Variants in RGSL1 observed in about 807,000 individuals in gnomAD.
The protein encoded by RGSL1 is regulator of G protein signaling protein-like.
Under a neutral mutation model 124.7 loss-of-function variants are expected in RGSL1, and 97 were observed. That is an observed-to-expected ratio of 0.78 (90% CI 0.66 to 0.92). The LOEUF (loss-of-function observed/expected upper bound fraction) is 0.92. RGSL1 is among the 40% of genes least tolerant of loss of function. The probability of loss-of-function intolerance (pLI) is 0.00; values close to 1 mark genes in which losing one functional copy is unlikely to be tolerated. For synonymous variants in RGSL1, 424 were observed against 438.1 expected, an observed-to-expected ratio of 0.97 and a Z score of 0.40; for missense variants, 1,233 against 1,288.4, an observed-to-expected ratio of 0.96 and a Z score of 0.66.
At position 182,491,411 on chromosome 1, in the gene RGSL1, C is replaced by T. The variant is rs150145715; in HGVS notation, c.1718-1611C>T. Among the ~76,000 whole-genome samples the T allele has an allele frequency of 1.9e-3, 290 of 152,058 alleles. 1 individual carries two copies. The highest frequency in any genetic ancestry group is 6.4e-3 in the African/African-American group (264 of 41,460). On this transcript the variant is annotated intron_variant, in intron 8 of 21. Coordinates refer to ENST00000294854, the MANE Select transcript of RGSL1 (RefSeq NM_001137669.2). ...TTGTATTTTATTAGAGACAGGGTTT[C>T]ACTATGTTGGCCAGGCTGGTCTCGA... is the stretch of plus-strand genomic sequence containing the variant.
At chr1:182,536,201 T>A (rs1163589758) in intron 14 of RGSL1, among the ~76,000 whole-genome samples, 1 of 152,212 alleles carries the variant, frequency 6.6e-6, no homozygotes, top group South Asian at 2.1e-4. Context: ...CATTCACCAA[T>A]TGTTACATAT....
Position 182,551,116 on chromosome 1 carries a change from G to T in RGSL1, c.2950G>T (p.Ala984Ser), listed in dbSNP as rs1398081532. The T allele has an allele frequency of 6.4e-7, 1 of 1,551,512 alleles. No individual in the cohort carries two copies. The highest frequency in any genetic ancestry group is 8.7e-7 in the Non-Finnish European group (1 of 1,146,940). ...TTCCCACAGGTTTTGTTTCTGGAAG[G>T]CAACCCGCTCTTACTTACAGTATAG... The part of the protein sequence containing the change: ...YFWKRFCFWK[A>S]TRSYLQYRGK... Residue 984 changes from alanine (A) to serine (S), a missense_variant, in exon 18 of 22, where the codon GCA becomes TCA. Coordinates refer to ENST00000294854, the MANE Select transcript of RGSL1 (RefSeq NM_001137669.2).
At chr1:182,557,902 G>T (rs553109186) in intron 21 of RGSL1, among the ~76,000 whole-genome samples, 2 of 152,264 alleles carry the variant, frequency 1.3e-5, no homozygotes, top group South Asian at 2.1e-4. Context: ...TAGAATACAG[G>T]CAGGGTGTAT....
chr1:182,521,962 C>G (rs1040098092), intron 9 of RGSL1, 42 bp from the exon 10 acceptor site: 129 of 1,301,484 alleles, frequency 9.9e-5, no homozygotes, highest in South Asian at 2.0e-4. Flanking sequence ...CTTTTCATTG[C>G]TTATAATATA....
intron 4 of RGSL1, chr1:182,471,518 A>G: frequency 5.6e-6 from 2 of 356,668 alleles, no homozygotes; most frequent in Non-Finnish European, 1.1e-5. Context: ...TTGGATAAAA[A>G]TCTTTGAAAA....
At chr1:182,448,831 G>C (rs1419842000), upstream of RGSL1, among the ~76,000 whole-genome samples, 1 of 152,118 alleles carries the variant, frequency 6.6e-6, no homozygotes, top group Non-Finnish European at 1.5e-5. Context: ...ACCCTATTTG[G>C]TTGTTAATGG....
chr1:182,531,329 G>A (rs1659158503), intron 13 of RGSL1, among the ~76,000 whole-genome samples: 1 of 152,282 alleles, frequency 6.6e-6, no homozygotes, highest in Non-Finnish European at 1.5e-5. Flanking sequence ...AGAATGCAAA[G>A]TGCTGAGAAC....
chr1:182,528,937 G>T (rs1224169621), intron 11 of RGSL1, among the ~76,000 whole-genome samples: 1 of 152,236 alleles, frequency 6.6e-6, no homozygotes, highest in Non-Finnish European at 1.5e-5. Context: ...GAGATAATGA[G>T]TGCCCAGCGA....
chr1:182,474,751 G>A (rs1018779779), intron 6 of RGSL1, among the ~76,000 whole-genome samples: 1 of 152,152 alleles, frequency 6.6e-6, no homozygotes, highest in Non-Finnish European at 1.5e-5. Flanking sequence ...TTAGGAACTG[G>A]GCCGCACAGC....
At chr1:182,548,612 G>A (rs1412871027) in intron 16 of RGSL1, 88 bp from the exon 17 acceptor site, 4 of 1,523,752 alleles carry the variant, frequency 2.6e-6, no homozygotes, top group Non-Finnish European at 3.5e-6. Context: ...TTTGGAGAGG[G>A]GGTGGTCATG....
chr1:182,503,151 C>T (rs1489862127), intron 9 of RGSL1, among the ~76,000 whole-genome samples: 1 of 152,180 alleles, frequency 6.6e-6, no homozygotes, highest in Non-Finnish European at 1.5e-5. Context: ...AACCCCACTG[C>T]TAGGTATACC....
intron 4 of RGSL1, among the ~76,000 whole-genome samples, chr1:182,463,369 C>A (rs1475720005): frequency 6.6e-6 from 1 of 150,746 alleles, no homozygotes; most frequent in African/African-American, 2.4e-5. Context: ...CAGAGATTGG[C>A]AGAATAAATT....
At chr1:182,549,496 T>C (rs1480830787) in intron 17 of RGSL1, 1 of 152,326 alleles carries the variant, frequency 6.6e-6, no homozygotes, top group Admixed American at 6.5e-5. Context: ...TGTGGAGATT[T>C]GGCCTGAGCC....
chr1:182,556,866 C>A (rs1387008283), intron 21 of RGSL1, among the ~76,000 whole-genome samples: 1 of 152,080 alleles, frequency 6.6e-6, no homozygotes, highest in South Asian at 2.1e-4. Flanking sequence ...ATTTCCTGAA[C>A]AAGCCCTCCA....
intron 3 of RGSL1, 49 bp from the exon 4 acceptor site, chr1:182,459,955 C>G (rs1160130498): frequency 6.5e-7 from 1 of 1,529,880 alleles, no homozygotes; most frequent in Admixed American, 2.1e-5. Flanking sequence ...ATTTTTTTAG[C>G]AGTTCGGTTT....
At chr1:182,463,202 G>A (rs958172376) in intron 4 of RGSL1, among the ~76,000 whole-genome samples, 1 of 151,172 alleles carries the variant, frequency 6.6e-6, no homozygotes, top group Admixed American at 6.6e-5. Context: ...GTTGAGGCAG[G>A]AGAATGGCAT....
At position 182,473,961 on chromosome 1, in the gene RGSL1, C is replaced by T. The variant is rs1247314490; in HGVS notation, c.850C>T (p.Pro284Ser). ...TGGTATGCCCCTACAGGAGACATGT[C>T]CTCAAGAGAAGGTGGTTATACAAAT... ...AIGMPLQETCPQEKVVIQMPS... is the reference protein window; with the variant it reads ...AIGMPLQETCSQEKVVIQMPS... The change falls in exon 6 of 22, where the codon CCT becomes TCT. Residue 284 changes from proline to serine, a missense_variant. Physicochemically the swap from Pro to Ser is moderately conservative, Grantham distance 74 (BLOSUM62 -1). Coordinates refer to ENST00000294854, the MANE Select transcript of RGSL1 (RefSeq NM_001137669.2). The T allele has an allele frequency of 1.9e-6, 3 of 1,551,914 alleles. No individual in the cohort carries two copies. The African/African-American group carries it at 4.1e-5, about 21-fold the overall frequency.
At chr1:182,483,455 T>C (rs1299345682) in intron 6 of RGSL1, among the ~76,000 whole-genome samples, 2 of 152,140 alleles carry the variant, frequency 1.3e-5, no homozygotes, top group Admixed American at 6.5e-5. Flanking sequence ...ATTTTAAAAA[T>C]ACATACTTAA....
intron 6 of RGSL1, among the ~76,000 whole-genome samples, chr1:182,476,444 T>C (rs1185895689): frequency 6.6e-6 from 1 of 152,176 alleles, no homozygotes; most frequent in Non-Finnish European, 1.5e-5. Context: ...CTGTTGGCAT[T>C]ACCTTAAGAA....
Sources: gnomAD v4.1 joint callset for allele counts (sites outside exome capture counted in the v4.1 genomes callset) on GRCh38, gnomAD v4.1.1 for gene constraint, MANE v1.5 for transcripts, NCBI Gene and HGNC (gene_info 2026-07-23, HGNC 2026-07-21) for gene names.